THSD7A: variants seen among roughly 807,000 people sequenced by gnomAD.
THSD7A encodes thrombospondin type-1 domain-containing protein 7A.
THSD7A carries 96 observed loss-of-function variants against 231.3 expected under a neutral mutation model. The observed-to-expected ratio is 0.41, with a 90% CI of 0.35 to 0.49. THSD7A has a LOEUF of 0.49. Among genes scored for constraint, THSD7A ranks in the 20% least tolerant of loss-of-function variants. The pLI, the probability that THSD7A is intolerant of heterozygous loss-of-function variation, is 0.05. For missense variants in THSD7A, 2,290 were observed against 2,070.2 expected (o/e 1.11, Z -2.06); for synonymous variants, 940 against 743.3 (o/e 1.26, Z -4.30).
rs142557625 is a variant in THSD7A at position 11,616,686 on chromosome 7, T to G, written c.1022+19444A>C. Among the ~76,000 whole-genome samples, 532 of 152,284 alleles carry G rather than the reference T, an allele frequency of 3.5e-3. 2 individuals carry two copies. The highest frequency in any genetic ancestry group is 6.8e-3 in the Middle Eastern group (2 of 294). The stretch of plus-strand genomic sequence containing the variant: ...TGTTCTCACGTTGCCCAGCCCTTCC[T>G]TAGCTCTCCCCAGTGTCTTCTTTTA... On this transcript the variant is annotated intron_variant, in intron 2 of 27. Transcript: ENST00000423059.
At chr7:11,799,647 G>A (rs1206542452) in intron 1 of THSD7A, among the ~76,000 whole-genome samples, 2 of 152,166 alleles carry the variant, frequency 1.3e-5, no homozygotes, top group Non-Finnish European at 2.9e-5. Context: ...GCAGTCAACT[G>A]TATTGTTTAT....
At chr7:11,800,441 C>T (rs1014808736) in intron 1 of THSD7A, among the ~76,000 whole-genome samples, 5 of 151,902 alleles carry the variant, frequency 3.3e-5, no homozygotes, top group Non-Finnish European at 7.4e-5. Context: ...CCCAGCTATT[C>T]GGGAGGCTGA....
chr7:11,428,950 G>A lies in THSD7A; in HGVS notation c.3240C>T (p.Asn1080=). 1.2e-6 allele frequency: 2 copies of A among 1,603,174 alleles called. No individual in the cohort carries two copies. The highest frequency in any genetic ancestry group is 1.7e-6 in the Non-Finnish European group (2 of 1,175,836). The change falls in exon 14 of 28, where the codon AAC becomes AAT. Residue 1080 remains asparagine (N), a synonymous_variant. Coordinates refer to ENST00000423059, the MANE Select transcript of THSD7A (RefSeq NM_015204.3). The stretch of plus-strand genomic sequence containing the variant: ...CACTGTCAATGATAGAAAATACCTG[G>A]TTGACATGGTCCAGTTTGGGGCAAG... ...GRPCPKLDHV[N]QAQVYEVVPC...
At chr7:11,422,177 GTT>G (rs113980089) in intron 16 of THSD7A, among the ~76,000 whole-genome samples, 11,464 of 152,146 alleles carry the variant, frequency 0.075, 900 homozygotes, top group African/African-American at 0.2. Context: ...AAGTCTGTCT[GTT>G]TTTTATTATT....
At chr7:11,820,612 C>T (rs1032832384) in intron 1 of THSD7A, 38 of 737,046 alleles carry the variant, frequency 5.2e-5, no homozygotes, top group Non-Finnish European at 8.0e-5. Context: ...CTTCCTCTGG[C>T]TTGAAATTGA....
At chr7:11,475,052 T>G (rs1786101536) in intron 7 of THSD7A, among the ~76,000 whole-genome samples, 3 of 152,116 alleles carry the variant, frequency 2.0e-5, no homozygotes, top group Admixed American at 2.0e-4. Context: ...AGCAAAGGCA[T>G]GCAGGCAGGT....
At chr7:11,508,114 T>C (rs1016066494) in intron 6 of THSD7A, among the ~76,000 whole-genome samples, 2 of 152,186 alleles carry the variant, frequency 1.3e-5, no homozygotes, top group Non-Finnish European at 2.9e-5. Flanking sequence ...GAGAACTGAA[T>C]GGGGTAAACC....
intron 23 of THSD7A, among the ~76,000 whole-genome samples, chr7:11,393,246 A>G (rs948580619): frequency 1.3e-5 from 2 of 152,224 alleles, no homozygotes; most frequent in Non-Finnish European, 2.9e-5. Context: ...CCAGGCAAAC[A>G]GGGTCTGGAG....
chr7:11,636,213 C>A lies in THSD7A; in HGVS notation c.939G>T (p.Glu313Asp). Residue 313 changes from glutamate (E) to aspartate (D), a missense_variant, in exon 2 of 28, where the codon GAG becomes GAT. Physicochemically the swap from Glu to Asp is conservative, Grantham distance 45 (BLOSUM62 2). Transcript: ENST00000423059. The surrounding 1 kb of genome is among the most constrained non-coding windows in gnomAD (Gnocchi z 10.0). ...CAATCTGGATGTCCCAATATTTGTTCTCTTGTCTGTTCTGCCTGTTTCTGT... is the reference window on the plus strand; with the variant it reads ...CAATCTGGATGTCCCAATATTTGTTATCTTGTCTGTTCTGCCTGTTTCTGT... ...KRNRNRQNRQ[E>D]NKYWDIQIGY... 6.2e-7 allele frequency: 1 copy of A among 1,614,014 alleles called. No homozygotes were observed. The highest frequency in any genetic ancestry group is 1.1e-5 in the South Asian group (1 of 91,080).
intron 1 of THSD7A, among the ~76,000 whole-genome samples, chr7:11,712,879 CCCA>C (rs1172210267): frequency 6.6e-6 from 1 of 150,986 alleles, no homozygotes; most frequent in African/African-American, 2.4e-5. Context: ...ATAATTCATT[CCCA>C]GAGCAGAAAA....
chr7:11,395,833 T>A lies in THSD7A; in HGVS notation c.4411+5962A>T, dbSNP rs568947698. Among the ~76,000 whole-genome samples the A allele has an allele frequency of 1.2e-3, 190 of 152,224 alleles. 1 individual carries two copies. The highest frequency in any genetic ancestry group is 0.01 in the Middle Eastern group (3 of 294). On this transcript the variant is annotated intron_variant, in intron 23 of 27. Transcript: ENST00000423059. Reference sequence around the variant, plus strand: ...GAGCCACCGTGCCCGGCCCAGAATATACACTCTTCTCAGCACCACATTGCA... The same window carrying A: ...GAGCCACCGTGCCCGGCCCAGAATAAACACTCTTCTCAGCACCACATTGCA...
chr7:11,644,905 A>G (rs1343650852), intron 1 of THSD7A, among the ~76,000 whole-genome samples: 1 of 151,974 alleles, frequency 6.6e-6, no homozygotes. Flanking sequence ...TTTCTTTTAC[A>G]CAAAAAGATT....
intron 6 of THSD7A, among the ~76,000 whole-genome samples, chr7:11,505,350 CT>C (rs572736804): frequency 3.9e-5 from 6 of 152,078 alleles, no homozygotes; most frequent in Non-Finnish European, 7.4e-5. Flanking sequence ...GTCTAATTTC[CT>C]TTTCCTTTTC....
At chr7:11,626,561 T>C (rs1781478666) in intron 2 of THSD7A, among the ~76,000 whole-genome samples, 1 of 152,120 alleles carries the variant, frequency 6.6e-6, no homozygotes, top group African/African-American at 2.4e-5. Flanking sequence ...TTTTTGAATT[T>C]GTTAGAAGTT....
chr7:11,395,355 TC>T (rs1783141689), intron 23 of THSD7A, among the ~76,000 whole-genome samples: 1 of 151,938 alleles, frequency 6.6e-6, no homozygotes, highest in South Asian at 2.1e-4. Flanking sequence ...AGAGTTAGAC[TC>T]CCACACAATA....
At chr7:11,428,064 T>A (rs1403683359) in intron 14 of THSD7A, among the ~76,000 whole-genome samples, 5 of 152,164 alleles carry the variant, frequency 3.3e-5, no homozygotes, top group Non-Finnish European at 7.4e-5. Flanking sequence ...GTTATGTTAA[T>A]CTGGGAAGGA....
At chr7:11,447,190 C>A in intron 12 of THSD7A, 40 bp downstream of exon 12, 1 of 1,592,762 alleles carries the variant, frequency 6.3e-7, no homozygotes, top group Non-Finnish European at 8.6e-7. Flanking sequence ...TGTTCCTCTA[C>A]TTTGACGTGT....
chr7:11,493,129 A>G (rs1786967218), intron 6 of THSD7A, among the ~76,000 whole-genome samples: 1 of 152,128 alleles, frequency 6.6e-6, no homozygotes, highest in South Asian at 2.1e-4. Context: ...AATAAAACGT[A>G]TATAGCTGAT....
chr7:11,480,016 T>C (rs1786356919), intron 7 of THSD7A, among the ~76,000 whole-genome samples: 1 of 152,204 alleles, frequency 6.6e-6, no homozygotes, highest in African/African-American at 2.4e-5. Flanking sequence ...CATATATTGA[T>C]ACATCACACT....
Sources: allele counts gnomAD v4.1 joint callset (sites outside exome capture counted in the v4.1 genomes callset), GRCh38; gene constraint gnomAD v4.1.1; non-coding constraint Gnocchi (gnomAD v3.1); transcripts MANE v1.5; gene names NCBI Gene and HGNC (gene_info 2026-07-23, HGNC 2026-07-21).